The following LHFPL3 variants were observed in gnomAD, a reference collection of about 807,000 sequenced individuals.
LHFPL3 encodes LHFPL tetraspan subfamily member 3, also known as LHFPL tetraspan subfamily member 3 protein.
LHFPL3 carries 5 observed loss-of-function variants against 19.3 expected under a neutral mutation model. The ratio of observed to expected loss-of-function variants is 0.26; its 90% CI spans 0.14 to 0.54. The LOEUF (loss-of-function observed/expected upper bound fraction) is 0.54. Among genes scored for constraint, LHFPL3 ranks in the 20% least tolerant of loss-of-function variants. LHFPL3 has a pLI of 0.94. For synonymous variants in LHFPL3, 133 were observed against 126.2 expected, an observed-to-expected ratio of 1.05 and a Z score of -0.36; for missense variants, 249 against 307.4, an observed-to-expected ratio of 0.81 and a Z score of 1.42.
At chr7:104,462,441 T>G (rs1311896748) in intron 1 of LHFPL3, among the ~76,000 whole-genome samples, 1 of 152,202 alleles carries the variant, frequency 6.6e-6, no homozygotes, top group Non-Finnish European at 1.5e-5. Context: ...CATGAAGATG[T>G]GTTGAATTTT....
intron 1 of LHFPL3, chr7:104,667,691 A>G: frequency 6.3e-6 from 8 of 1,271,142 alleles, no homozygotes; most frequent in Admixed American, 4.1e-5. Flanking sequence ...TATACATGCA[A>G]TTTACAACTT....
intron 2 of LHFPL3, among the ~76,000 whole-genome samples, chr7:104,742,741 G>A (rs181441169): frequency 6.6e-6 from 1 of 152,156 alleles, no homozygotes; most frequent in African/African-American, 2.4e-5. Flanking sequence ...ATCTTCAGAG[G>A]TGTTCTTTAA....
At chr7:104,589,435 A>G (rs1382863709) in intron 1 of LHFPL3, among the ~76,000 whole-genome samples, 3 of 152,192 alleles carry the variant, frequency 2.0e-5, no homozygotes. Context: ...CATATATTGA[A>G]CCAGCCTTGC....
At chr7:104,458,018 C>T (rs1792581271) in intron 1 of LHFPL3, among the ~76,000 whole-genome samples, 2 of 149,834 alleles carry the variant, frequency 1.3e-5, no homozygotes, top group Admixed American at 6.6e-5. Context: ...GATATTAGCC[C>T]TTTGTCAGAT....
chr7:104,532,962 G>A (rs1446222971), intron 1 of LHFPL3, among the ~76,000 whole-genome samples: 3 of 152,112 alleles, frequency 2.0e-5, no homozygotes, highest in Non-Finnish European at 4.4e-5. Context: ...GTGTCAAGGA[G>A]GAGAGAGTGA....
intron 1 of LHFPL3, among the ~76,000 whole-genome samples, chr7:104,653,842 T>C (rs1156566541): frequency 1.3e-5 from 2 of 152,188 alleles, no homozygotes; most frequent in East Asian, 3.8e-4. Context: ...AGAACTAATT[T>C]GTTGCTTGGC....
chr7:104,708,122 C>G (rs2116202199), intron 1 of LHFPL3, among the ~76,000 whole-genome samples: 1 of 152,294 alleles, frequency 6.6e-6, no homozygotes, highest in South Asian at 2.1e-4. Flanking sequence ...ACCAAATACC[C>G]ATCGCCATAT....
chr7:104,686,206 A>C (rs991434393), intron 1 of LHFPL3, among the ~76,000 whole-genome samples: 1 of 152,150 alleles, frequency 6.6e-6, no homozygotes, highest in African/African-American at 2.4e-5. Context: ...CTCAAAGTAC[A>C]CAGAGATGGA....
At chr7:104,667,265 G>GTGGT (rs1554422208) in intron 1 of LHFPL3, among the ~76,000 whole-genome samples, 92 of 52,090 alleles carry the variant, frequency 1.8e-3, no homozygotes, top group Non-Finnish European at 4.9e-4. Flanking sequence ...CTGTTTTCTT[G>GTGGT]GGGGGGGGAA....
intron 1 of LHFPL3, among the ~76,000 whole-genome samples, chr7:104,381,598 A>G (rs1250875655): frequency 6.6e-6 from 1 of 150,892 alleles, no homozygotes; most frequent in Non-Finnish European, 1.5e-5. Flanking sequence ...TTAAATGTTT[A>G]CTATGTATCA....
At chr7:104,667,623 G>C in intron 1 of LHFPL3, 1 of 704,372 alleles carries the variant, frequency 1.4e-6, no homozygotes, top group Non-Finnish European at 2.3e-6. Flanking sequence ...TCCATTTAGT[G>C]TACAACATTG....
At chr7:104,391,617 G>A (rs56168845) in intron 1 of LHFPL3, among the ~76,000 whole-genome samples, 10,050 of 152,216 alleles carry the variant, frequency 0.066, 352 homozygotes, top group Middle Eastern at 0.092. Flanking sequence ...GTCAGGTAGT[G>A]TGACGCCTCT....
intron 1 of LHFPL3, among the ~76,000 whole-genome samples, chr7:104,595,993 AC>A (rs1485588584): frequency 5.3e-5 from 8 of 151,218 alleles, no homozygotes; most frequent in African/African-American, 2.0e-4. Context: ...GGAAAGGGAA[AC>A]CCCCCAACCC....
intron 2 of LHFPL3, among the ~76,000 whole-genome samples, chr7:104,873,357 C>A (rs889154351): frequency 6.6e-6 from 1 of 152,126 alleles, no homozygotes; most frequent in African/African-American, 2.4e-5. Flanking sequence ...TAAACAGTAG[C>A]AGAAGATCCT....
intron 1 of LHFPL3, among the ~76,000 whole-genome samples, chr7:104,505,509 AAAG>A (rs1402365506): frequency 1.3e-5 from 2 of 152,222 alleles, no homozygotes; most frequent in African/African-American, 4.8e-5. Flanking sequence ...GTTCCAGACA[AAAG>A]AGGCATGATA....
At chr7:104,875,909 G>T (rs185667342) in intron 2 of LHFPL3, among the ~76,000 whole-genome samples, 1 of 152,014 alleles carries the variant, frequency 6.6e-6, no homozygotes, top group Non-Finnish European at 1.5e-5. Context: ...TCTCTCCCAC[G>T]CACCAGACTA....
At chr7:104,673,720 G>A (rs1180339747) in intron 1 of LHFPL3, among the ~76,000 whole-genome samples, 1 of 152,206 alleles carries the variant, frequency 6.6e-6, no homozygotes, top group African/African-American at 2.4e-5. Context: ...TAGAAACATT[G>A]CCCATGGGAT....
chr7:104,508,944 T>C (rs1219948055), intron 1 of LHFPL3, among the ~76,000 whole-genome samples: 1 of 151,554 alleles, frequency 6.6e-6, no homozygotes, highest in African/African-American at 2.4e-5. Context: ...CCTGCAGACA[T>C]TGAAAGATTA....
At chr7:104,592,216 T>C (rs927293836) in intron 1 of LHFPL3, among the ~76,000 whole-genome samples, 1 of 152,182 alleles carries the variant, frequency 6.6e-6, no homozygotes, top group Admixed American at 6.5e-5. Context: ...TCTAGAATTT[T>C]CAGCTTTTCT....
Sources: gnomAD v4.1 joint callset for allele counts (sites outside exome capture counted in the v4.1 genomes callset) on GRCh38, gnomAD v4.1.1 for gene constraint, MANE v1.5 for transcripts, NCBI Gene and HGNC (gene_info 2026-07-23, HGNC 2026-07-21) for gene names.